The following SOS2 variants were observed in gnomAD, a reference collection of about 807,000 sequenced individuals.
The protein encoded by SOS2 is son of sevenless homolog 2.
SOS2 carries 65 observed loss-of-function variants against 148.2 expected under a neutral mutation model. That is an observed-to-expected ratio of 0.44 (90% CI 0.36 to 0.54). SOS2 has a LOEUF of 0.54. Among genes scored for constraint, SOS2 ranks in the 20% least tolerant of loss-of-function variants. The pLI is 0.00. For synonymous variants in SOS2, 539 were observed against 537.1 expected (o/e 1.00, Z -0.05); for missense variants, 1,341 against 1,590.2 (o/e 0.84, Z 2.67).
At chr14:50,178,453 GTCTCAGTCT>G (rs1885598425) in intron 7 of SOS2, among the ~76,000 whole-genome samples, 1 of 151,796 alleles carries the variant, frequency 6.6e-6, no homozygotes, top group Non-Finnish European at 1.5e-5. Flanking sequence ...AAATCACCCA[GTCTCAGTCT>G]TCTTTTTCTT....
rs1178462383 is a variant in SOS2 at position 50,178,664 on chromosome 14, GTGTGTGCATATATA to G, written c.969+1894_969+1907del. On this transcript the variant is annotated intron_variant, in intron 7 of 22. Coordinates refer to ENST00000216373, the MANE Select transcript of SOS2 (RefSeq NM_006939.4). The stretch of plus-strand genomic sequence containing the variant: ...TGCCCGCTAGTGTGTGTGTGTGTGT[GTGTGTGCATATATA>G]TATATATATATATATATATATATAT... Among the ~76,000 whole-genome samples the G allele has an allele frequency of 8.2e-4, 13 of 15,824 alleles. 2 individuals carry two copies. The highest frequency in any genetic ancestry group is 2.0e-3 in the Admixed American group (2 of 1,024). The allele number at this position is 15,824 out of a possible 152,430, so 10.4% of individuals were successfully genotyped here. A position where few individuals can be genotyped will look rare whatever the true frequency, so the allele number is the denominator to read the frequency against.
At chr14:50,198,086 T>TATGTGTTTGGA (rs1276732632) in intron 4 of SOS2, among the ~76,000 whole-genome samples, 1 of 150,278 alleles carries the variant, frequency 6.7e-6, no homozygotes, top group Non-Finnish European at 1.5e-5. Flanking sequence ...ATAAACAATA[T>TATGTGTTTGGA]ATGATTCTGG....
At chr14:50,169,176 C>T (rs530716502) in intron 8 of SOS2, among the ~76,000 whole-genome samples, 1 of 151,368 alleles carries the variant, frequency 6.6e-6, no homozygotes, top group African/African-American at 2.4e-5. Flanking sequence ...ATTAGCCAGG[C>T]ATGGTAGCAC....
intron 21 of SOS2, among the ~76,000 whole-genome samples, chr14:50,126,109 T>C (rs1477574925): frequency 2.6e-5 from 4 of 152,080 alleles, no homozygotes; most frequent in Non-Finnish European, 5.9e-5. Flanking sequence ...TTCTAAAATA[T>C]GAACAGAAAT....
intron 4 of SOS2, among the ~76,000 whole-genome samples, chr14:50,197,145 G>T (rs938163137): frequency 3.9e-5 from 6 of 152,230 alleles, no homozygotes; most frequent in Non-Finnish European, 5.9e-5. Context: ...GAGCCACGGT[G>T]CCTGGCCTAC....
At chr14:50,150,337 G>T in intron 13 of SOS2, 107 bp from the exon 14 acceptor site, 1 of 753,084 alleles carries the variant, frequency 1.3e-6, no homozygotes. Context: ...ACCAACTCAT[G>T]GCCAATTTTT....
intron 14 of SOS2, among the ~76,000 whole-genome samples, chr14:50,149,132 A>G (rs944837422): frequency 6.6e-6 from 1 of 152,198 alleles, no homozygotes; most frequent in Non-Finnish European, 1.5e-5. Flanking sequence ...CCTGGTCTCA[A>G]GCGATCTGCC....
intron 18 of SOS2, among the ~76,000 whole-genome samples, 197 bp from the exon 19 acceptor site, chr14:50,134,436 T>C (rs1946759128): frequency 6.6e-6 from 1 of 152,334 alleles, no homozygotes; most frequent in Non-Finnish European, 1.5e-5. Context: ...TAAGATTATA[T>C]AATTTCTGTG....
intron 16 of SOS2, among the ~76,000 whole-genome samples, chr14:50,142,767 A>G (rs939086225): frequency 2.6e-5 from 4 of 152,348 alleles, no homozygotes; most frequent in South Asian, 2.1e-4. Context: ...CTAATGCTGC[A>G]GTAACTATAT....
intron 4 of SOS2, among the ~76,000 whole-genome samples, chr14:50,198,765 T>C (rs1886391981): frequency 1.3e-5 from 2 of 152,236 alleles, no homozygotes; most frequent in African/African-American, 4.8e-5. Context: ...CTTACTAGTA[T>C]GATAGTTTTA....
chr14:50,118,804 G>A lies in SOS2; in HGVS notation c.3539C>T (p.Pro1180Leu), dbSNP rs1328697686. The part of the protein sequence containing the change: ...DDPPAIPPRQ[P>L]PPPKVKPRVP... Reference sequence around the variant, plus strand: ...TCTGGGTTTTACCTTTGGAGGAGGAGGCTGTCTCGGTGGAATAGCAGGAGG... The same window carrying A: ...TCTGGGTTTTACCTTTGGAGGAGGAAGCTGTCTCGGTGGAATAGCAGGAGG... The change falls in exon 23 of 23, where the codon CCT (proline) becomes CTT (leucine). Residue 1180 changes from proline (P) to leucine (L), a missense_variant. Coordinates refer to ENST00000216373, the MANE Select transcript of SOS2 (RefSeq NM_006939.4). 5.8e-6 allele frequency: 9 copies of A among 1,556,328 alleles called. No homozygotes were observed. Among genetic ancestry groups the A allele is most frequent in the Non-Finnish European group, 7.9e-6 (9 of 1,145,560 alleles).
chr14:50,199,323 G>GC (rs1223736805), intron 4 of SOS2, among the ~76,000 whole-genome samples: 2 of 152,148 alleles, frequency 1.3e-5, no homozygotes, highest in African/African-American at 4.8e-5. Flanking sequence ...TCTCCCCTGT[G>GC]CCTCACTAAG....
Position 50,118,771 on chromosome 14 carries a change from A to G in SOS2, c.3572T>C (p.Val1191Ala), listed in dbSNP as rs1883400421. Reference protein sequence around the residue: ...PPPKVKPRVPVPTGAFDGPLH... With the variant: ...PPPKVKPRVPAPTGAFDGPLH... ...AGGCCCATCAAATGCACCAGTAGGA[A>G]CAGGAACTCTGGGTTTTACCTTTGG... The change falls in exon 23 of 23, where the codon GTT becomes GCT. Residue 1191 changes from valine to alanine, a missense_variant. Physicochemically the swap from Val to Ala is moderately conservative, Grantham distance 64. This residue lies in a region of SOS2 where 354 missense variants were observed against 347.7 expected (regional missense o/e 1.02). Transcript: ENST00000216373. 2 of 1,605,570 alleles carry G rather than the reference A, an allele frequency of 1.2e-6. No individual in the cohort carries two copies. The highest frequency in any genetic ancestry group is 1.7e-6 in the Non-Finnish European group (2 of 1,175,200).
chr14:50,153,235 T>C (rs1884716740), intron 12 of SOS2, 62 bp from the exon 13 acceptor site: 2 of 871,468 alleles, frequency 2.3e-6, no homozygotes, highest in African/African-American at 1.7e-5. Flanking sequence ...ACTTCTTCCT[T>C]CTCTAATGCC....
chr14:50,144,309 A>G (rs953272736), intron 16 of SOS2, among the ~76,000 whole-genome samples: 4 of 152,240 alleles, frequency 2.6e-5, no homozygotes, highest in East Asian at 1.9e-4. Flanking sequence ...AAGGGCCATA[A>G]AAATCTATGC....
intron 19 of SOS2, 42 bp from the exon 20 acceptor site, chr14:50,130,804 A>G: frequency 1.3e-6 from 2 of 1,552,200 alleles, no homozygotes; most frequent in Non-Finnish European, 1.7e-6. Flanking sequence ...ATTTGCATAG[A>G]CAACAATTTG....
At chr14:50,122,037 A>G (rs1883530619) in intron 21 of SOS2, among the ~76,000 whole-genome samples, 1 of 152,206 alleles carries the variant, frequency 6.6e-6, no homozygotes, top group East Asian at 1.9e-4. Flanking sequence ...TTTTAGGGAA[A>G]GTGAACCTGA....
rs368217682 is a variant in SOS2, at chr14:50,220,328, C to T, written c.87+10869G>A. 1.6e-4 allele frequency among the ~76,000 whole-genome samples: 21 copies of T among 135,050 alleles called. No homozygotes were observed. The East Asian group carries it at 3.6e-3, about 23-fold the overall frequency. The allele number at this position is 135,050 out of a possible 152,430, so 88.6% of individuals were successfully genotyped here. A position where few individuals can be genotyped will look rare whatever the true frequency, so the allele number is the denominator to read the frequency against. ...GGCTGAGGAAGGAGAATGGCGTGAA[C>T]CCGGGAGGCAGAGCTTGCAGTGAGC... On this transcript the variant is annotated intron_variant, in intron 1 of 22. Coordinates refer to ENST00000216373, the MANE Select transcript of SOS2 (RefSeq NM_006939.4).
rs192023514 is a variant in SOS2, at chr14:50,163,210, A to G, written c.1069-1601T>C. Among the ~76,000 whole-genome samples the G allele has an allele frequency of 4.1e-4, 62 of 151,012 alleles. No homozygotes were observed. In the East Asian group the frequency reaches 9.3e-3, roughly 23 times the overall value. ...ATATATTATGTATTTATAAATATAT[A>G]TTTATGCAAGGATATGGGGAATTAT... On this transcript the variant is annotated intron_variant, in intron 8 of 22. Coordinates refer to ENST00000216373, the MANE Select transcript of SOS2 (RefSeq NM_006939.4).
Sources: gnomAD v4.1 joint callset for allele counts (sites outside exome capture counted in the v4.1 genomes callset) on GRCh38, gnomAD v4.1.1 for gene constraint, gnomAD v4.1.1 regional missense constraint, MANE v1.5 for transcripts, NCBI Gene and HGNC (gene_info 2026-07-23, HGNC 2026-07-21) for gene names.